The following RASGRF2 variants were observed in gnomAD, a reference collection of about 807,000 sequenced individuals.
RASGRF2 encodes ras-specific guanine nucleotide-releasing factor 2.
Under a neutral mutation model 151.0 loss-of-function variants are expected in RASGRF2, and 76 were observed. That is an observed-to-expected ratio of 0.50 (90% CI 0.42 to 0.61). RASGRF2 has a LOEUF of 0.61. RASGRF2 is among the 20% of genes least tolerant of loss of function. The probability of loss-of-function intolerance (pLI) is 0.00; values close to 1 mark genes in which losing one functional copy is unlikely to be tolerated. For synonymous variants in RASGRF2, 504 were observed against 566.5 expected (o/e 0.89, Z 1.57); for missense variants, 1,148 against 1,564.6 (o/e 0.73, Z 4.49).
chr5:81,207,139 G>T, intron 20 of RASGRF2, 107 bp from the exon 21 acceptor site: 1 of 963,974 alleles, frequency 1.0e-6, no homozygotes. Context: ...AGAATTTAGT[G>T]GTGAACTTCA....
At position 81,212,421 on chromosome 5, in the gene RASGRF2, C is replaced by T. The variant is rs1389798136; in HGVS notation, c.3212C>T (p.Ala1071Val). 6.2e-7 allele frequency: 1 copy of T among 1,613,936 alleles called. No homozygotes were observed. The highest frequency in any genetic ancestry group is 8.5e-7 in the Non-Finnish European group (1 of 1,179,892). The change falls in exon 23 of 27, where the codon GCC becomes GTC. Residue 1071 changes from alanine (A) to valine (V), a missense_variant. Physicochemically the swap from Ala to Val is moderately conservative, Grantham distance 64. This residue lies in a region of RASGRF2 where 646 missense variants were observed against 807.4 expected (regional missense o/e 0.80). Coordinates refer to ENST00000265080, the MANE Select transcript of RASGRF2 (RefSeq NM_006909.3). ...AACTATGCTGATGTCAGCTCCCGTG[C>T]CAACGCCATCGAGAAATGGGTGGCA... ...IMNYADVSSR[A>V]NAIEKWVAVA...
intron 5 of RASGRF2, among the ~76,000 whole-genome samples, chr5:81,074,500 A>T (rs1751879265): frequency 6.6e-6 from 1 of 152,108 alleles, no homozygotes; most frequent in African/African-American, 2.4e-5. Context: ...TCTATACGTA[A>T]TATCTGTACT....
At chr5:81,120,863 T>C (rs1299672106) in intron 15 of RASGRF2, among the ~76,000 whole-genome samples, 1 of 152,204 alleles carries the variant, frequency 6.6e-6, no homozygotes. Flanking sequence ...TGAGAACAAT[T>C]TATCCTGTGG....
intron 4 of RASGRF2, among the ~76,000 whole-genome samples, chr5:81,072,330 A>T (rs146994128): frequency 6.6e-6 from 1 of 152,216 alleles, no homozygotes; most frequent in African/African-American, 2.4e-5. Context: ...AACTGATAAC[A>T]TGGTGACGAC....
At chr5:81,130,595 G>GA (rs1172396759) in intron 17 of RASGRF2, among the ~76,000 whole-genome samples, 1 of 152,136 alleles carries the variant, frequency 6.6e-6, no homozygotes, top group Non-Finnish European at 1.5e-5. Context: ...TGGCTAGCCA[G>GA]GGAGAGCATG....
At chr5:81,113,971 G>T in intron 15 of RASGRF2, 51 bp downstream of exon 15, 5 of 1,554,924 alleles carry the variant, frequency 3.2e-6, no homozygotes, top group Non-Finnish European at 4.4e-6. Flanking sequence ...CTGGCCGCCT[G>T]CCTCCTCACC....
At chr5:81,026,114 CTTCCTCTCT>C (rs1366912635) in intron 1 of RASGRF2, among the ~76,000 whole-genome samples, 1 of 147,162 alleles carries the variant, frequency 6.8e-6, no homozygotes, top group Non-Finnish European at 1.5e-5. Flanking sequence ...CCTTCCTCTC[CTTCCTCTCT>C]TTCCCTCCCT....
At chr5:81,065,108 T>C (rs138244614) in intron 2 of RASGRF2, among the ~76,000 whole-genome samples, 1 of 152,268 alleles carries the variant, frequency 6.6e-6, no homozygotes, top group African/African-American at 2.4e-5. Flanking sequence ...CTCAAGATGA[T>C]AATGCATCTT....
intron 22 of RASGRF2, among the ~76,000 whole-genome samples, chr5:81,211,889 A>C (rs1418303924): frequency 6.6e-6 from 1 of 152,210 alleles, no homozygotes; most frequent in African/African-American, 2.4e-5. Context: ...TAATCAGCTC[A>C]GAATTTGATC....
chr5:80,962,877 A>G (rs1747608508), intron 1 of RASGRF2, among the ~76,000 whole-genome samples: 2 of 152,228 alleles, frequency 1.3e-5, no homozygotes, highest in South Asian at 4.1e-4. Context: ...GCAAATGATG[A>G]GTATTTCTCA....
chr5:80,983,603 T>G (rs434130), intron 1 of RASGRF2, among the ~76,000 whole-genome samples: 109,427 of 152,138 alleles, frequency 0.72, 39,362 homozygotes, highest in East Asian at 0.79. Flanking sequence ...TTTACTATCT[T>G]GCCCTTTACG....
chr5:81,157,287 G>A (rs1362524846), intron 17 of RASGRF2, among the ~76,000 whole-genome samples: 5 of 151,224 alleles, frequency 3.3e-5, no homozygotes, highest in African/African-American at 7.3e-5. Context: ...CCCAGGAGGC[G>A]GGAGGTTGCA....
Position 80,964,605 on chromosome 5 carries a change from A to G in RASGRF2, c.288+3579A>G, listed in dbSNP as rs150266919. On this transcript the variant is annotated intron_variant, in intron 1 of 26. Transcript: ENST00000265080. ...TTATGTTGAAGAGTTCCTTACTAAG[A>G]CTGTTTTTAAATCCACTGAGCAAAT... Among the ~76,000 whole-genome samples the G allele has an allele frequency of 1.3e-3, 201 of 152,218 alleles. 1 individual carries two copies. Among genetic ancestry groups the G allele is most frequent in the African/African-American group, 4.7e-3 (194 of 41,558 alleles).
intron 23 of RASGRF2, 47 bp from the exon 24 acceptor site, chr5:81,215,829 T>A: frequency 6.8e-7 from 1 of 1,468,904 alleles, no homozygotes; most frequent in Non-Finnish European, 9.0e-7. Context: ...ACTGTCTTTT[T>A]AAACCATAGT....
intron 17 of RASGRF2, among the ~76,000 whole-genome samples, chr5:81,178,948 CG>C (rs1754849258): frequency 6.6e-6 from 1 of 152,118 alleles, no homozygotes; most frequent in South Asian, 2.1e-4. Flanking sequence ...CCATGTTAGC[CG>C]GGATGGTCTG....
At chr5:80,981,769 T>A (rs1028278864) in intron 1 of RASGRF2, among the ~76,000 whole-genome samples, 6 of 152,198 alleles carry the variant, frequency 3.9e-5, no homozygotes, top group African/African-American at 1.2e-4. Flanking sequence ...TTTCGCCATG[T>A]TGGCCAGGCT....
chr5:80,997,295 G>A (rs1561545291), intron 1 of RASGRF2: 1 of 152,196 alleles, frequency 6.6e-6, no homozygotes, highest in Non-Finnish European at 1.5e-5. Flanking sequence ...AAATTAGAAT[G>A]TCTTCACTAA....
rs368998419 is a variant in RASGRF2, at chr5:81,194,421, GTTTGTTT to G, written c.2794-6895_2794-6889del. Among the ~76,000 whole-genome samples, 336 of 150,954 alleles carry G rather than the reference GTTTGTTT, an allele frequency of 2.2e-3. 3 individuals are homozygous for G. Among genetic ancestry groups the G allele is most frequent in the African/African-American group, 7.3e-3 (299 of 40,980 alleles). On this transcript the variant is annotated intron_variant, in intron 18 of 26. Coordinates refer to ENST00000265080, the MANE Select transcript of RASGRF2 (RefSeq NM_006909.3). ...TTACTTACAATTACTTTAGGATTTT[GTTTGTTT>G]TTTGTTTTTTGTTCTTTTTTTTTTT... is the stretch of plus-strand genomic sequence containing the variant.
chr5:81,112,493 A>G (rs1753023939), intron 13 of RASGRF2, 117 bp from the exon 14 acceptor site: 2 of 1,341,860 alleles, frequency 1.5e-6, no homozygotes, highest in Non-Finnish European at 2.1e-6. Flanking sequence ...TCTCTCTCCT[A>G]TCAAATGCAG....
Sources: allele counts gnomAD v4.1 joint callset (sites outside exome capture counted in the v4.1 genomes callset), GRCh38; gene constraint gnomAD v4.1.1; regional missense constraint gnomAD v4.1.1; transcripts MANE v1.5; gene names NCBI Gene and HGNC (gene_info 2026-07-23, HGNC 2026-07-21).